The following RAB2B variants were observed in gnomAD, a reference collection of about 807,000 sequenced individuals.
RAB2B encodes the protein RAB2B, member RAS oncogene family, also known as ras-related protein Rab-2B.
A neutral mutation model predicts 29.8 loss-of-function variants in RAB2B; 20 were observed. The ratio of observed to expected loss-of-function variants is 0.67; its 90% confidence interval spans 0.47 to 0.97. The LOEUF (loss-of-function observed/expected upper bound fraction) is 0.97, where lower values mean the gene tolerates loss of function less well. Ranked by LOEUF, RAB2B falls within the 50% of genes least tolerant of loss-of-function variation. RAB2B has a pLI of 0.00. For synonymous variants in RAB2B, 93 were observed against 91.7 expected (o/e 1.01, Z -0.08); for missense variants, 218 against 272.0 (o/e 0.80, Z 1.40).
chr14:21,471,176 TAA>T (rs11300913), intron 3 of RAB2B, among the ~76,000 whole-genome samples: 611 of 143,658 alleles, frequency 4.3e-3, no homozygotes, highest in Middle Eastern at 7.2e-3. Context: ...CTGTCTAAAT[TAA>T]AAAAAAAAAA....
intron 5 of RAB2B, 92 bp downstream of exon 5, chr14:21,468,265 G>T: frequency 1.1e-6 from 1 of 943,834 alleles, no homozygotes; most frequent in South Asian, 1.6e-5. Flanking sequence ...GAAACACTAA[G>T]ACCACTATAA....
Position 21,469,946 on chromosome 14 carries a change from CT to C in RAB2B, c.187-1195del, listed in dbSNP as rs768032520. The stretch of plus-strand genomic sequence containing the variant: ...ACCCTGGGGCCGATATTATTATTCC[CT>C]TTTTTTTTTTCTTTTTTTTTTTGAG... On this transcript the variant is annotated intron_variant, in intron 3 of 7. Transcript: ENST00000397762. 2.0e-3 allele frequency among the ~76,000 whole-genome samples: 282 copies of C among 137,782 alleles called. 2 individuals are homozygous for C. In the Middle Eastern group the frequency reaches 0.022, roughly 11 times the overall value. 90.4% of individuals were successfully genotyped at this position (137,782 alleles called of 152,430 possible).
chr14:21,470,993 C>CAAAAAAAAAAAAAAAAAAAAAAAAA (rs869211285), intron 3 of RAB2B, among the ~76,000 whole-genome samples: 1 of 98,766 alleles, frequency 1.0e-5, no homozygotes, highest in African/African-American at 4.3e-5. Context: ...GCTAAAAATA[C>CAAAAAAAAAAAAAAAAAAAAAAAAA]AAAAAAAAAA....
At chr14:21,471,541 C>A (rs1199992028) in intron 3 of RAB2B, among the ~76,000 whole-genome samples, 6 of 146,638 alleles carry the variant, frequency 4.1e-5, no homozygotes, top group Admixed American at 1.4e-4. Context: ...CTAGTTGAGC[C>A]GGGGAGGTTG....
At chr14:21,470,904 C>T (rs1172331029) in intron 3 of RAB2B, among the ~76,000 whole-genome samples, 1 of 149,796 alleles carries the variant, frequency 6.7e-6, no homozygotes, top group Non-Finnish European at 1.5e-5. Flanking sequence ...AATCCCAGCA[C>T]TTTGGGAGGC....
intron 2 of RAB2B, among the ~76,000 whole-genome samples, chr14:21,475,705 G>C (rs1041709347): frequency 3.3e-5 from 5 of 152,198 alleles, no homozygotes; most frequent in South Asian, 2.1e-4. Flanking sequence ...GTGAGAATTC[G>C]CTCAATATTC....
intron 3 of RAB2B, among the ~76,000 whole-genome samples, chr14:21,469,095 C>T (rs1292553368): frequency 6.6e-6 from 1 of 151,192 alleles, no homozygotes; most frequent in Non-Finnish European, 1.5e-5. Context: ...GCATACATTT[C>T]CCAATATCCT....
rs544843824 is a variant in RAB2B at position 21,473,602 on chromosome 14, T to C, written c.186+1265A>G. On this transcript the variant is annotated intron_variant, in intron 3 of 7. Coordinates refer to ENST00000397762, the MANE Select transcript of RAB2B (RefSeq NM_032846.4). ...ACTTTGTAAATAAGGATGTTCAGGC[T>C]GGGCACTGTGGCTCACGCCTGTAAT... Among the ~76,000 whole-genome samples, 5 of 152,338 alleles carry C rather than the reference T, an allele frequency of 3.3e-5. No individual in the cohort carries two copies. The East Asian group carries it at 9.7e-4, about 29-fold the overall frequency.
intron 7 of RAB2B, among the ~76,000 whole-genome samples, chr14:21,461,589 G>A (rs1224516205): frequency 1.3e-5 from 2 of 151,386 alleles, no homozygotes; most frequent in African/African-American, 4.9e-5. Flanking sequence ...TTTTTTCCTT[G>A]AGGAAATGAG....
chr14:21,472,461 T>C (rs1192658315), intron 3 of RAB2B, among the ~76,000 whole-genome samples: 1 of 152,054 alleles, frequency 6.6e-6, no homozygotes. Context: ...GGGTAAACAA[T>C]GGGCAGGAGA....
At chr14:21,475,579 G>A (rs926415185) in intron 2 of RAB2B, among the ~76,000 whole-genome samples, 1 of 151,972 alleles carries the variant, frequency 6.6e-6, no homozygotes, top group Non-Finnish European at 1.5e-5. Context: ...ACAGGCACAC[G>A]CCACAACGCC....
chr14:21,468,409 C>T lies in RAB2B; in HGVS notation c.310G>A (p.Ala104Thr), dbSNP rs2139599854. 1 of 1,614,020 alleles carries T rather than the reference C, an allele frequency of 6.2e-7. No homozygotes were observed. Among genetic ancestry groups the T allele is most frequent in the South Asian group, 1.1e-5 (1 of 91,070 alleles). ...ATGTTGGAACTAGAGTGCTGCCGGG[C>T]ATCCTCTAACCATGAGGTCAGGTGG... ...FNHLTSWLED[A>T]RQHSSSNMVI... is the part of the protein sequence containing the mutation. The change falls in exon 5 of 8, where the codon GCC (alanine) becomes ACC (threonine). Residue 104 changes from alanine to threonine, a missense_variant. By Grantham distance (58) the Ala-to-Thr change is moderately conservative (BLOSUM62 0). Transcript: ENST00000397762.
chr14:21,470,993 C>CAAAAA (rs869211285), intron 3 of RAB2B, among the ~76,000 whole-genome samples: 18 of 98,760 alleles, frequency 1.8e-4, no homozygotes, highest in African/African-American at 5.2e-4. Context: ...GCTAAAAATA[C>CAAAAA]AAAAAAAAAA....
At chr14:21,470,155 A>G (rs1394332259) in intron 3 of RAB2B, among the ~76,000 whole-genome samples, 1 of 151,552 alleles carries the variant, frequency 6.6e-6, no homozygotes, top group Non-Finnish European at 1.5e-5. Flanking sequence ...GGTTTTCACT[A>G]TGTTGGCTAG....
Position 21,460,158 on chromosome 14 carries a change from G to T in RAB2B, c.*1038C>A, listed in dbSNP as rs1273807557. On this transcript the variant is annotated 3_prime_UTR_variant, in exon 8 of 8. Coordinates refer to ENST00000397762, the MANE Select transcript of RAB2B (RefSeq NM_032846.4). ...CAAGCAGACACCCAAAGGCAAGGAA[G>T]AAAAAAACTCAATGAAATTCCGAGG... The T allele has an allele frequency of 1.9e-6, 1 of 518,706 alleles. No individual in the cohort carries two copies. Among genetic ancestry groups the T allele is most frequent in the Non-Finnish European group, 3.8e-6 (1 of 259,820 alleles). The allele number at this position is 518,706 out of a possible 1,614,324, so 32.1% of individuals were successfully genotyped here. A position where few individuals can be genotyped will look rare whatever the true frequency, so the allele number is the denominator to read the frequency against.
At chr14:21,471,849 T>A (rs1260919547) in intron 3 of RAB2B, among the ~76,000 whole-genome samples, 3 of 151,794 alleles carry the variant, frequency 2.0e-5, no homozygotes, top group Non-Finnish European at 4.4e-5. Flanking sequence ...CTAATTTTTT[T>A]ATTTTTAGTA....
intron 2 of RAB2B, 91 bp from the exon 3 acceptor site, chr14:21,475,025 AC>A (rs1890914240): frequency 6.2e-6 from 6 of 975,294 alleles, no homozygotes; most frequent in Non-Finnish European, 9.8e-6. Flanking sequence ...ATGTGTTATA[AC>A]CATCCTTTGT....
chr14:21,475,023 T>A, intron 2 of RAB2B, 89 bp from the exon 3 acceptor site: 1 of 981,300 alleles, frequency 1.0e-6, no homozygotes, highest in Non-Finnish European at 1.6e-6. Context: ...CAATGTGTTA[T>A]AACCATCCTT....
intron 2 of RAB2B, among the ~76,000 whole-genome samples, chr14:21,475,864 G>A (rs1467429923): frequency 6.6e-6 from 1 of 152,234 alleles, no homozygotes; most frequent in Non-Finnish European, 1.5e-5. Context: ...GAATGGGGAT[G>A]TAGGGGTTTA....
Sources: allele counts gnomAD v4.1 joint callset (sites outside exome capture counted in the v4.1 genomes callset), GRCh38; gene constraint gnomAD v4.1.1; transcripts MANE v1.5; gene names NCBI Gene and HGNC (gene_info 2026-07-23, HGNC 2026-07-21).